Variants in MMS19 observed in about 807,000 individuals in gnomAD.
MMS19 encodes MMS19 cytosolic iron-sulfur assembly component.
Under a neutral mutation model 129.8 loss-of-function variants are expected in MMS19, and 77 were observed. That is an observed-to-expected ratio of 0.59 (90% CI 0.49 to 0.72). The LOEUF is 0.72. MMS19 is among the 30% of genes least tolerant of loss of function. The pLI is 0.00. For missense variants in MMS19, 1,168 were observed against 1,266.3 expected, an observed-to-expected ratio of 0.92 and a Z score of 1.18; for synonymous variants, 491 against 502.8, an observed-to-expected ratio of 0.98 and a Z score of 0.31.
intron 1 of MMS19, among the ~76,000 whole-genome samples, chr10:97,491,650 C>G (rs2038912321): frequency 1.3e-5 from 2 of 150,740 alleles, no homozygotes; most frequent in African/African-American, 4.9e-5. Flanking sequence ...GACTCCGTCT[C>G]AAAGAAAAAA....
chr10:97,470,874 G>A lies in MMS19; in HGVS notation c.685-13C>T. ...GATCATTAGGTGGCTGGAAAAGGGA[G>A]AAGGGCTGTGGGTTTGTGTAACATT... On this transcript the variant is annotated splice_polypyrimidine_tract_variant and intron_variant, in intron 8 of 30. Transcript: ENST00000438925. The A allele has an allele frequency of 1.2e-6, 2 of 1,612,630 alleles. No homozygotes were observed. Among genetic ancestry groups the A allele is most frequent in the South Asian group, 2.2e-5 (2 of 90,970 alleles).
At chr10:97,477,128 T>C in intron 6 of MMS19, 165 bp from the exon 7 acceptor site, 2 of 1,491,362 alleles carry the variant, frequency 1.3e-6, no homozygotes, top group South Asian at 1.4e-5. Context: ...TGCAACAATA[T>C]ACACATTGCT....
intron 16 of MMS19, 27 bp from the exon 17 acceptor site, chr10:97,466,186 G>C: frequency 6.5e-7 from 1 of 1,532,990 alleles, no homozygotes; most frequent in East Asian, 2.4e-5. Context: ...GATAAGCATT[G>C]GCTGAGCCTG....
At chr10:97,492,865 A>G (rs2039161937) in intron 1 of MMS19, among the ~76,000 whole-genome samples, 1 of 151,000 alleles carries the variant, frequency 6.6e-6, no homozygotes, top group Non-Finnish European at 1.5e-5. Context: ...TCTCCCAAAA[A>G]AAAAAAAAAA....
chr10:97,487,087 G>A (rs551765109), intron 1 of MMS19, among the ~76,000 whole-genome samples: 1 of 151,366 alleles, frequency 6.6e-6, no homozygotes, highest in East Asian at 1.9e-4. Flanking sequence ...AACAACCAGT[G>A]CAGTTTCAAT....
chr10:97,458,618 C>A lies in MMS19; in HGVS notation c.*74G>T. ...CAGTCAGAGACCAGTGGTTTCCCTGCTTTGGGGAAGATGGCTCAACAGTTA... is the reference window on the plus strand; with the variant it reads ...CAGTCAGAGACCAGTGGTTTCCCTGATTTGGGGAAGATGGCTCAACAGTTA... On this transcript the variant is annotated 3_prime_UTR_variant, in exon 31 of 31. Coordinates refer to ENST00000438925, the MANE Select transcript of MMS19 (RefSeq NM_022362.5). 2.0e-6 allele frequency: 3 copies of A among 1,482,312 alleles called. No individual in the cohort carries two copies. Among genetic ancestry groups the A allele is most frequent in the South Asian group, 2.6e-5 (2 of 78,214 alleles). The allele number at this position is 1,482,312 out of a possible 1,614,324, so 91.8% of individuals were successfully genotyped here.
At chr10:97,467,455 G>A in intron 14 of MMS19, 50 bp downstream of exon 14, 13 of 1,403,962 alleles carry the variant, frequency 9.3e-6, no homozygotes, top group Non-Finnish European at 1.3e-5. Context: ...TCCTTTATAG[G>A]CTGAAGTGTT....
intron 1 of MMS19, among the ~76,000 whole-genome samples, chr10:97,492,241 C>G (rs1448244392): frequency 6.7e-6 from 1 of 150,126 alleles, no homozygotes; most frequent in Non-Finnish European, 1.5e-5. Flanking sequence ...GAGGCCGAGG[C>G]GGGCGGATCA....
At chr10:97,489,033 T>A (rs755632736) in intron 1 of MMS19, among the ~76,000 whole-genome samples, 17 of 152,192 alleles carry the variant, frequency 1.1e-4, no homozygotes, top group Non-Finnish European at 2.2e-4. Flanking sequence ...GAGATGGGGC[T>A]TTTGCCATGT....
intron 18 of MMS19, 23 bp from the exon 19 acceptor site, chr10:97,464,036 T>C: frequency 5.6e-6 from 9 of 1,602,650 alleles, no homozygotes; most frequent in Non-Finnish European, 7.7e-6. Flanking sequence ...AAGTGTTCTC[T>C]GTAAGGTTTG....
intron 14 of MMS19, among the ~76,000 whole-genome samples, chr10:97,467,261 G>C (rs1340747278): frequency 6.6e-6 from 1 of 152,208 alleles, no homozygotes; most frequent in African/African-American, 2.4e-5. Flanking sequence ...TTATAGGTGT[G>C]AGCCACCATG....
At chr10:97,484,036 G>C (rs1425500977) in intron 2 of MMS19, 67 bp downstream of exon 2, 22 of 1,092,198 alleles carry the variant, frequency 2.0e-5, no homozygotes, top group Non-Finnish European at 2.8e-5. Context: ...GCAGCAATGC[G>C]CAAAAGTAAC....
intron 1 of MMS19, among the ~76,000 whole-genome samples, chr10:97,487,373 C>T (rs958993575): frequency 1.1e-4 from 16 of 144,242 alleles, no homozygotes; most frequent in Non-Finnish European, 2.1e-4. Context: ...GGCCAGAGTG[C>T]GGTGGCGCGA....
At chr10:97,470,669 T>C (rs1462885909) in intron 9 of MMS19, 106 bp downstream of exon 9, 1 of 678,942 alleles carries the variant, frequency 1.5e-6, no homozygotes, top group Non-Finnish European at 2.6e-6. Context: ...CAGGGTGTCA[T>C]GCCCTAAAAT....
rs779190314 is a variant in MMS19 at position 97,498,371 on chromosome 10, G to A, written c.14C>T (p.Ala5Val). ...CATAGGCGCCGCCGCCTCCACAGCCGCGGCAGCGGCCATAACGCGAACTAG... is the reference window on the plus strand; with the variant it reads ...CATAGGCGCCGCCGCCTCCACAGCCACGGCAGCGGCCATAACGCGAACTAG... Reference protein sequence around the residue: MAAAAAVEAAAPMGA... With the variant: MAAAVAVEAAAPMGA... Residue 5 changes from alanine to valine, a missense_variant, in exon 1 of 31, where the codon GCG (alanine) becomes GTG (valine). By Grantham distance (64) the Ala-to-Val change is moderately conservative. Around this residue, in one of 3 missense-constraint regions of MMS19, gnomAD observed 329 missense variants for 328.6 expected, o/e 1.00. Coordinates refer to ENST00000438925, the MANE Select transcript of MMS19 (RefSeq NM_022362.5). 5.7e-6 allele frequency: 9 copies of A among 1,577,236 alleles called. No homozygotes were observed. Among genetic ancestry groups the A allele is most frequent in the Non-Finnish European group, 7.7e-6 (9 of 1,169,456 alleles).
At chr10:97,484,938 CT>C (rs2037552088) in intron 1 of MMS19, among the ~76,000 whole-genome samples, 1 of 152,090 alleles carries the variant, frequency 6.6e-6, no homozygotes, top group Non-Finnish European at 1.5e-5. Context: ...GCCACTACCC[CT>C]GGCTAAGTAT....
At chr10:97,459,867 G>T in intron 26 of MMS19, 126 bp from the exon 27 acceptor site, 1 of 986,552 alleles carries the variant, frequency 1.0e-6, no homozygotes, top group Non-Finnish European at 1.5e-6. Context: ...TTCACGCTCA[G>T]AATAAGCAAG....
chr10:97,485,467 C>T (rs535882512), intron 1 of MMS19, among the ~76,000 whole-genome samples: 1 of 152,332 alleles, frequency 6.6e-6, no homozygotes, highest in Non-Finnish European at 1.5e-5. Flanking sequence ...TGCCCACCAC[C>T]ACGCCTGGCT....
intron 4 of MMS19, 66 bp downstream of exon 4, chr10:97,478,238 G>A (rs192069754): frequency 5.8e-5 from 75 of 1,289,874 alleles, no homozygotes; most frequent in Admixed American, 1.0e-4. Context: ...CACCCAAAGC[G>A]CAAGGAGAGA....
Sources: gnomAD v4.1 joint callset for allele counts (sites outside exome capture counted in the v4.1 genomes callset) on GRCh38, gnomAD v4.1.1 for gene constraint, gnomAD v4.1.1 regional missense constraint, MANE v1.5 for transcripts, NCBI Gene and HGNC (gene_info 2026-07-23, HGNC 2026-07-21) for gene names.